SLC1A2: variants seen among roughly 807,000 people sequenced by gnomAD.
The protein encoded by SLC1A2 is excitatory amino acid transporter 2.
Under a neutral mutation model 48.8 loss-of-function variants are expected in SLC1A2, and 15 were observed. The ratio of observed to expected loss-of-function variants is 0.31; its 90% CI spans 0.21 to 0.47. The LOEUF is 0.47. Among genes scored for constraint, SLC1A2 ranks in the 20% least tolerant of loss-of-function variants. SLC1A2 has a pLI of 0.99. For missense variants in SLC1A2, 502 were observed against 730.5 expected (o/e 0.69, Z 3.61); for synonymous variants, 279 against 272.6 (o/e 1.02, Z -0.23).
intron 2 of SLC1A2, chr11:35,315,544 A>AT (rs1209172311): frequency 6.0e-6 from 1 of 166,192 alleles, no homozygotes; most frequent in Non-Finnish European, 1.3e-5. Flanking sequence ...CTATAATCCC[A>AT]GCACTTTGGG....
chr11:35,375,748 G>A (rs1854205950), intron 1 of SLC1A2, among the ~76,000 whole-genome samples: 1 of 152,294 alleles, frequency 6.6e-6, no homozygotes, highest in Admixed American at 6.5e-5. Flanking sequence ...GGGATGAGGA[G>A]GGCTACAGAG....
At chr11:35,335,293 A>G (rs980625640) in intron 1 of SLC1A2, among the ~76,000 whole-genome samples, 3 of 152,192 alleles carry the variant, frequency 2.0e-5, no homozygotes, top group Non-Finnish European at 4.4e-5. Flanking sequence ...AAATACCCAT[A>G]AAACCTATCT....
chr11:35,343,781 G>A (rs1397190912), intron 1 of SLC1A2, among the ~76,000 whole-genome samples: 1 of 151,710 alleles, frequency 6.6e-6, no homozygotes, highest in African/African-American at 2.4e-5. Context: ...TGTGCACCAG[G>A]ATGTGCACAG....
intron 1 of SLC1A2, among the ~76,000 whole-genome samples, chr11:35,359,447 C>T (rs1853600251): frequency 6.6e-6 from 1 of 152,216 alleles, no homozygotes; most frequent in Non-Finnish European, 1.5e-5. Context: ...TTTTCCTAGC[C>T]AGTGTTTTGA....
chr11:35,370,866 A>C, intron 1 of SLC1A2: 1 of 732,274 alleles, frequency 1.4e-6, no homozygotes, highest in Non-Finnish European at 1.7e-6. Flanking sequence ...CATGAGCTGC[A>C]CATGCTGAGT....
At chr11:35,272,616 G>T (rs569551196) in intron 9 of SLC1A2, among the ~76,000 whole-genome samples, 1 of 152,360 alleles carries the variant, frequency 6.6e-6, no homozygotes, top group Middle Eastern at 3.4e-3. Context: ...TTCTTCACAG[G>T]CAGAGTTTCA....
At chr11:35,400,946 A>G (rs936582935) in intron 1 of SLC1A2, among the ~76,000 whole-genome samples, 1 of 148,714 alleles carries the variant, frequency 6.7e-6, no homozygotes, top group Non-Finnish European at 1.5e-5. Flanking sequence ...CAATCAATAC[A>G]TGTAAGATGC....
chr11:35,337,023 G>T (rs1852659984), intron 1 of SLC1A2, among the ~76,000 whole-genome samples: 2 of 152,088 alleles, frequency 1.3e-5, no homozygotes, highest in Non-Finnish European at 2.9e-5. Flanking sequence ...AAATGACCCT[G>T]AGTGATGAAA....
chr11:35,369,346 C>G (rs1172984369), intron 1 of SLC1A2, among the ~76,000 whole-genome samples: 2 of 152,190 alleles, frequency 1.3e-5, no homozygotes, highest in African/African-American at 4.8e-5. Context: ...ATTTCAGCAT[C>G]ACTCATGAGC....
intron 1 of SLC1A2, among the ~76,000 whole-genome samples, chr11:35,373,186 C>T (rs757300239): frequency 6.6e-6 from 1 of 152,200 alleles, no homozygotes; most frequent in Non-Finnish European, 1.5e-5. Flanking sequence ...GGAGCAGGGC[C>T]CAGTCACAGG....
chr11:35,366,139 G>T (rs776254494), intron 1 of SLC1A2, among the ~76,000 whole-genome samples: 1 of 152,154 alleles, frequency 6.6e-6, no homozygotes, highest in African/African-American at 2.4e-5. Context: ...ATGAATCAGG[G>T]TTCAGGGCCT....
intron 2 of SLC1A2, chr11:35,316,507 T>C (rs1851882704): frequency 6.6e-6 from 1 of 152,224 alleles, no homozygotes; most frequent in African/African-American, 2.4e-5. Flanking sequence ...TGAACTTAGC[T>C]GTGGCGAGCT....
chr11:35,311,035 G>GA (rs1319699514), intron 4 of SLC1A2, among the ~76,000 whole-genome samples: 1 of 151,730 alleles, frequency 6.6e-6, no homozygotes, highest in Non-Finnish European at 1.5e-5. Context: ...ATGCAATCAT[G>GA]AAAAAAAGAA....
At chr11:35,298,051 C>T (rs958507388) in intron 6 of SLC1A2, 6 of 152,182 alleles carry the variant, frequency 3.9e-5, no homozygotes, top group East Asian at 1.9e-4. Flanking sequence ...GTATCACTTC[C>T]GTACAGCTCC....
chr11:35,338,501 A>G (rs944037550), intron 1 of SLC1A2, among the ~76,000 whole-genome samples: 5 of 152,154 alleles, frequency 3.3e-5, no homozygotes, highest in East Asian at 3.9e-4. Flanking sequence ...ATGTGGACCA[A>G]GTTGGTCCAG....
At chr11:35,407,942 C>T (rs1278058365) in intron 1 of SLC1A2, among the ~76,000 whole-genome samples, 1 of 152,232 alleles carries the variant, frequency 6.6e-6, no homozygotes, top group Non-Finnish European at 1.5e-5. Context: ...TCCATAAAGG[C>T]CCCGGCCTGT....
intron 7 of SLC1A2, chr11:35,292,062 T>A: frequency 2.0e-6 from 1 of 510,894 alleles, no homozygotes; most frequent in Non-Finnish European, 3.5e-6. Flanking sequence ...TAATGTGAGA[T>A]CGTATTTCCA....
At position 35,418,979 on chromosome 11, in the gene SLC1A2, G is replaced by T. The variant is rs1855697141; in HGVS notation, c.-13C>A. On this transcript the variant is annotated 5_prime_UTR_variant, in exon 1 of 11. Transcript: ENST00000278379. ...CCGTAGATGCCATGGTCTGGGGAAC[G>T]CCCCCTCCTCTTCAGCACTATCCGG... The T allele has an allele frequency of 4.5e-6, 7 of 1,564,576 alleles. No homozygotes were observed. The Admixed American group carries it at 1.3e-4, about 29-fold the overall frequency.
At chr11:35,376,803 CT>C (rs1854248645) in intron 1 of SLC1A2, among the ~76,000 whole-genome samples, 1 of 152,192 alleles carries the variant, frequency 6.6e-6, no homozygotes. Context: ...CTTCCACATG[CT>C]TCAAGATATG....
Sources: allele counts gnomAD v4.1 joint callset (sites outside exome capture counted in the v4.1 genomes callset), GRCh38; gene constraint gnomAD v4.1.1; transcripts MANE v1.5; gene names NCBI Gene and HGNC (gene_info 2026-07-23, HGNC 2026-07-21).